SCOC: variants seen among roughly 807,000 people sequenced by gnomAD.
The protein encoded by SCOC is short coiled coil protein.
Under a neutral mutation model 9.9 loss-of-function variants are expected in SCOC, and 7 were observed. That is an observed-to-expected ratio of 0.71 (90% CI 0.40 to 1.33). SCOC has a LOEUF of 1.33. Among genes scored for constraint, SCOC ranks in the 40% most tolerant of loss-of-function variants. The pLI, the probability that SCOC is intolerant of heterozygous loss-of-function variation, is 0.01. For missense variants in SCOC, 66 were observed against 89.7 expected, an observed-to-expected ratio of 0.74 and a Z score of 1.07; for synonymous variants, 19 against 28.2, an observed-to-expected ratio of 0.67 and a Z score of 1.03.
rs992798889 is a variant in SCOC, at chr4:140,383,956, G to A, written c.*2852G>A. The stretch of plus-strand genomic sequence containing the variant: ...ATGCAGATCATCACTGCAAAGCTGG[G>A]TTCCTTTGGCTTAACGATTGGTAGA... On this transcript the variant is annotated 3_prime_UTR_variant, in exon 4 of 4. Transcript: ENST00000608372. The A allele has an allele frequency of 3.9e-5, 6 of 152,182 alleles. No individual in the cohort carries two copies. Among genetic ancestry groups the A allele is most frequent in the African/African-American group, 1.2e-4 (5 of 41,454 alleles). 9.4% of individuals were successfully genotyped at this position (152,182 alleles called of 1,614,324 possible). A position where few individuals can be genotyped will look rare whatever the true frequency, so the allele number is the denominator to read the frequency against.
In SCOC at chr4:140,314,864, C is replaced by T. The variant is rs566405610; in HGVS notation, c.-18-28757C>T. On this transcript the variant is annotated intron_variant, in intron 1 of 4. Transcript: ENST00000394205. ...CCCGAACAGCTGTGAACTCCACCCC[C>T]CCACCAAGTTCTCCACAAGGTGTGG... Among the ~76,000 whole-genome samples, 25 of 151,126 alleles carry T rather than the reference C, an allele frequency of 1.7e-4. No individual in the cohort carries two copies. The South Asian group carries it at 5.0e-3, about 30-fold the overall frequency.
chr4:140,380,467 G>C (rs1469986423), intron 3 of SCOC, among the ~76,000 whole-genome samples: 1 of 151,836 alleles, frequency 6.6e-6, no homozygotes, highest in Non-Finnish European at 1.5e-5. Context: ...CAAAGTGCTG[G>C]GATTACAGGT....
In SCOC at chr4:140,384,536, C is replaced by T. The variant is rs1728651199; in HGVS notation, c.*3432C>T. 6.6e-6 allele frequency: 1 copy of T among 152,178 alleles called. No individual in the cohort carries two copies. The highest frequency in any genetic ancestry group is 2.4e-5 in the African/African-American group (1 of 41,454). The allele number at this position is 152,178 out of a possible 1,614,324, so 9.4% of individuals were successfully genotyped here. The stretch of plus-strand genomic sequence containing the variant: ...AAGAATCACCCTACTCTTGATGTCT[C>T]CAGTTAGTAGTTTTCCATCCACTGA... On this transcript the variant is annotated 3_prime_UTR_variant, in exon 4 of 4. Coordinates refer to ENST00000608372, the MANE Select transcript of SCOC (RefSeq NM_001153484.2).
upstream of SCOC, chr4:140,373,342 C>G (rs1309524283): frequency 2.8e-6 from 4 of 1,419,856 alleles, no homozygotes; most frequent in Non-Finnish European, 3.7e-6. Context: ...CTCCAATTCT[C>G]AGGTTTCCTG....
intron 1 of SCOC, among the ~76,000 whole-genome samples, chr4:140,336,749 T>C (rs927350865): frequency 3.9e-5 from 6 of 152,226 alleles, no homozygotes; most frequent in African/African-American, 1.2e-4. Context: ...TATGTATGAG[T>C]GCAATTGCTA....
At chr4:140,298,240 G>GCT (rs780224417) in intron 1 of SCOC, among the ~76,000 whole-genome samples, 1 of 152,154 alleles carries the variant, frequency 6.6e-6, no homozygotes, top group Non-Finnish European at 1.5e-5. Flanking sequence ...TTCGCATCCA[G>GCT]CTCTCTCTCT....
chr4:140,327,780 G>C (rs1732692269), intron 1 of SCOC, among the ~76,000 whole-genome samples: 1 of 152,156 alleles, frequency 6.6e-6, no homozygotes, highest in Non-Finnish European at 1.5e-5. Flanking sequence ...ACATGCCTTT[G>C]AATTTTTACA....
chr4:140,350,503 T>C lies in SCOC; in HGVS notation c.70+6795T>C, dbSNP rs141421488. ...CTACTTTTTAGACACTTCTTTTCTA[T>C]TGTCTCTTCTTTCTATCCACACTTC... is the stretch of plus-strand genomic sequence containing the variant. On this transcript the variant is annotated intron_variant, in intron 2 of 4. Transcript: ENST00000338517. 4.6e-4 allele frequency among the ~76,000 whole-genome samples: 70 copies of C among 152,358 alleles called. No homozygotes were observed. The East Asian group carries it at 0.012, about 27-fold the overall frequency.
At chr4:140,285,332 A>G in intron 1 of SCOC, 1 of 454,888 alleles carries the variant, frequency 2.2e-6, no homozygotes, top group Non-Finnish European at 4.4e-6. Flanking sequence ...GGTAGAGCAT[A>G]TCTTTGTCAC....
chr4:140,373,632 G>GCGGAGCTGC, upstream of SCOC: 1 of 1,551,668 alleles, frequency 6.4e-7, no homozygotes, highest in Non-Finnish European at 8.7e-7. Context: ...GGCGGAGTGG[G>GCGGAGCTGC]CGGAGCTGCC....
At chr4:140,350,525 C>T (rs944170048) in intron 2 of SCOC, among the ~76,000 whole-genome samples, 4 of 152,190 alleles carry the variant, frequency 2.6e-5, no homozygotes, top group African/African-American at 9.7e-5. Flanking sequence ...TCTATCCACA[C>T]TTCTGGGTAA....
intron 1 of SCOC, among the ~76,000 whole-genome samples, chr4:140,295,781 A>T (rs1405219467): frequency 2.0e-5 from 3 of 151,846 alleles, no homozygotes; most frequent in African/African-American, 7.2e-5. Context: ...TACAAAAAAA[A>T]TTAGCCGGGC....
At chr4:140,340,808 T>TTTTTC (rs140552446), upstream of SCOC, among the ~76,000 whole-genome samples, 40,895 of 111,036 alleles carry the variant, frequency 0.37, 11,943 homozygotes, top group Non-Finnish European at 0.52. Flanking sequence ...TTTTTTTTTT[T>TTTTTC]AGAGGGATAG....
chr4:140,340,800 T>TC, upstream of SCOC, among the ~76,000 whole-genome samples: 1 of 105,462 alleles, frequency 9.5e-6, no homozygotes, highest in Admixed American at 1.0e-4. Context: ...TTTTTTTTTT[T>TC]TTTTTTTTAG....
intron 1 of SCOC, chr4:140,293,304 C>G: frequency 2.2e-6 from 1 of 456,656 alleles, no homozygotes; most frequent in South Asian, 1.5e-5. Context: ...TCTGAGTAAC[C>G]CAGTCGCAAA....
chr4:140,340,808 T>TTTTTTTTTTTTTTTTTTTTTTTC (rs140552446), upstream of SCOC, among the ~76,000 whole-genome samples: 1 of 111,814 alleles, frequency 8.9e-6, no homozygotes, highest in Non-Finnish European at 1.8e-5. Flanking sequence ...TTTTTTTTTT[T>TTTTTTTTTTTTTTTTTTTTTTTC]AGAGGGATAG....
chr4:140,348,454 G>A (rs1476470191), intron 2 of SCOC, among the ~76,000 whole-genome samples: 2 of 151,894 alleles, frequency 1.3e-5, no homozygotes, highest in African/African-American at 2.4e-5. Flanking sequence ...GTTCATCCAT[G>A]TTGTTACAAA....
intron 1 of SCOC, 92 bp downstream of exon 1, chr4:140,373,809 T>A: frequency 1.5e-6 from 2 of 1,359,244 alleles, no homozygotes; most frequent in Non-Finnish European, 2.0e-6. Context: ...CGGGGCGGGC[T>A]GGACGCGGCC....
intron 1 of SCOC, among the ~76,000 whole-genome samples, chr4:140,297,397 A>G (rs950296848): frequency 6.6e-6 from 1 of 152,138 alleles, no homozygotes; most frequent in Non-Finnish European, 1.5e-5. Flanking sequence ...AGTTTTTCAT[A>G]ACACAGAGTT....
Sources: allele counts gnomAD v4.1 joint callset (sites outside exome capture counted in the v4.1 genomes callset), GRCh38; gene constraint gnomAD v4.1.1; transcripts MANE v1.5; gene names NCBI Gene and HGNC (gene_info 2026-07-23, HGNC 2026-07-21).